The following PTCHD4 variants were observed in gnomAD, a reference collection of about 807,000 sequenced individuals.
PTCHD4 encodes patched domain containing 4.
A neutral mutation model predicts 58.1 loss-of-function variants in PTCHD4; 33 were observed. That is an observed-to-expected ratio of 0.57 (90% CI 0.43 to 0.76). The LOEUF (loss-of-function observed/expected upper bound fraction) is 0.76, where lower values mean the gene tolerates loss of function less well. Among genes scored for constraint, PTCHD4 ranks in the 30% least tolerant of loss-of-function variants. The pLI is 0.00. For synonymous variants in PTCHD4, 478 were observed against 409.6 expected (o/e 1.17, Z -2.02); for missense variants, 1,058 against 1,027.1 (o/e 1.03, Z -0.41).
At chr6:48,064,346 G>C (rs1031641651) in intron 3 of PTCHD4, among the ~76,000 whole-genome samples, 1 of 152,038 alleles carries the variant, frequency 6.6e-6, no homozygotes, top group Non-Finnish European at 1.5e-5. Flanking sequence ...CTAAAAACAG[G>C]GAAATATTAC....
intron 4 of PTCHD4, among the ~76,000 whole-genome samples, chr6:47,952,254 T>C (rs565972412): frequency 2.0e-5 from 3 of 151,892 alleles, no homozygotes; most frequent in Admixed American, 6.5e-5. Context: ...AAAGGAAGAA[T>C]TAATTGTCTC....
chr6:48,065,212 G>T (rs1175186106), intron 3 of PTCHD4, among the ~76,000 whole-genome samples: 1 of 152,156 alleles, frequency 6.6e-6, no homozygotes, highest in Non-Finnish European at 1.5e-5. Context: ...TCTTCAGCCT[G>T]TCCCTAAGCA....
intron 4 of PTCHD4, among the ~76,000 whole-genome samples, chr6:47,997,705 A>G (rs932939072): frequency 6.6e-6 from 1 of 152,208 alleles, no homozygotes; most frequent in East Asian, 1.9e-4. Flanking sequence ...ACATTACTCA[A>G]TCATTAACAA....
intron 3 of PTCHD4, among the ~76,000 whole-genome samples, chr6:48,064,568 G>A (rs557302656): frequency 6.6e-6 from 1 of 151,978 alleles, no homozygotes; most frequent in African/African-American, 2.4e-5. Context: ...AAAAAAAATA[G>A]CCCCTAAATA....
chr6:48,010,908 T>C (rs1338918647), intron 3 of PTCHD4, among the ~76,000 whole-genome samples: 2 of 152,202 alleles, frequency 1.3e-5, no homozygotes, highest in Non-Finnish European at 2.9e-5. Context: ...GGACATGAAC[T>C]CATCCATTTT....
intron 1 of PTCHD4, among the ~76,000 whole-genome samples, chr6:48,075,013 A>T (rs1250066745): frequency 6.6e-6 from 1 of 152,144 alleles, no homozygotes; most frequent in African/African-American, 2.4e-5. Flanking sequence ...ATATAAGCAT[A>T]TATATTATTC....
intron 3 of PTCHD4, among the ~76,000 whole-genome samples, chr6:48,025,009 T>G (rs1006454453): frequency 6.6e-6 from 1 of 152,204 alleles, no homozygotes; most frequent in African/African-American, 2.4e-5. Context: ...TCTACTGGAT[T>G]GCTAGAGAAA....
intron 4 of PTCHD4, among the ~76,000 whole-genome samples, chr6:47,931,275 C>T (rs186152470): frequency 6.6e-6 from 1 of 152,316 alleles, no homozygotes; most frequent in East Asian, 1.9e-4. Context: ...AGTCCTTGTT[C>T]CTGGTCATTA....
At chr6:47,996,364 A>G (rs1768486857) in intron 4 of PTCHD4, among the ~76,000 whole-genome samples, 1 of 152,148 alleles carries the variant, frequency 6.6e-6, no homozygotes, top group Non-Finnish European at 1.5e-5. Flanking sequence ...AATCTTAGGT[A>G]CTTGGGTGGC....
At chr6:47,994,252 G>A (rs975830999) in intron 4 of PTCHD4, among the ~76,000 whole-genome samples, 2 of 152,200 alleles carry the variant, frequency 1.3e-5, no homozygotes, top group Admixed American at 6.5e-5. Flanking sequence ...TGGCAATGGA[G>A]AGGGAAAACA....
intron 3 of PTCHD4, among the ~76,000 whole-genome samples, chr6:48,012,922 C>T (rs766443283): frequency 1.3e-5 from 2 of 152,122 alleles, no homozygotes; most frequent in Non-Finnish European, 2.9e-5. Context: ...AGGGATGAAG[C>T]TGACTTGATT....
intron 3 of PTCHD4, among the ~76,000 whole-genome samples, chr6:48,045,437 G>T (rs1764000120): frequency 6.6e-6 from 1 of 151,690 alleles, no homozygotes; most frequent in African/African-American, 2.4e-5. Flanking sequence ...ACAAAAGATG[G>T]CTCATTTTCA....
chr6:47,891,403 C>A (rs1456295841), intron 4 of PTCHD4, among the ~76,000 whole-genome samples: 1 of 151,884 alleles, frequency 6.6e-6, no homozygotes, highest in Admixed American at 6.6e-5. Flanking sequence ...CTGTGACCGG[C>A]ATGAACCGAG....
intron 4 of PTCHD4, among the ~76,000 whole-genome samples, chr6:47,898,147 T>G (rs986157487): frequency 2.0e-5 from 3 of 151,976 alleles, no homozygotes; most frequent in Admixed American, 1.3e-4. Flanking sequence ...AGTTTCACCG[T>G]GTTAGCCAGG....
chr6:48,010,585 T>C (rs747557714), intron 3 of PTCHD4, among the ~76,000 whole-genome samples: 2 of 151,998 alleles, frequency 1.3e-5, no homozygotes, highest in African/African-American at 2.4e-5. Flanking sequence ...GAATTCCAAG[T>C]GAGGAATTTC....
intron 3 of PTCHD4, among the ~76,000 whole-genome samples, chr6:48,024,392 G>A (rs1032738749): frequency 6.6e-6 from 1 of 151,924 alleles, no homozygotes; most frequent in Non-Finnish European, 1.5e-5. Context: ...CTCTCAACAC[G>A]ACCTAGAACT....
intron 4 of PTCHD4, among the ~76,000 whole-genome samples, chr6:47,955,367 T>C (rs1766816684): frequency 6.6e-6 from 1 of 152,114 alleles, no homozygotes; most frequent in African/African-American, 2.4e-5. Flanking sequence ...ACAAAATGGA[T>C]ATTGTCAAAG....
chr6:47,878,188 G>GATCTGACT lies in PTCHD4; in HGVS notation c.*107_*114dup. 3 of 870,656 alleles carry GATCTGACT rather than the reference G, an allele frequency of 3.4e-6. 1 individual carries two copies. The Middle Eastern group carries it at 6.9e-4, about 200-fold the overall frequency. The allele number at this position is 870,656 out of a possible 1,614,324, so 53.9% of individuals were successfully genotyped here. Reference sequence around the variant, plus strand: ...GAAGTGTCATGAATAATGCACTCTTGATCTGACTTGCCTTGTTACCCCTGG... The same window carrying GATCTGACT: ...GAAGTGTCATGAATAATGCACTCTTGATCTGACTATCTGACTTGCCTTGTTACCCCTGG... On this transcript the variant is annotated 3_prime_UTR_variant, in exon 5 of 5. Transcript: ENST00000339488.
chr6:47,936,916 G>A (rs1204174443), intron 4 of PTCHD4, among the ~76,000 whole-genome samples: 1 of 152,222 alleles, frequency 6.6e-6, no homozygotes, highest in Admixed American at 6.5e-5. Flanking sequence ...AGCTAGGTTA[G>A]AAAAGGTGAG....
Sources: allele counts gnomAD v4.1 joint callset (sites outside exome capture counted in the v4.1 genomes callset), GRCh38; gene constraint gnomAD v4.1.1; transcripts MANE v1.5; gene names NCBI Gene and HGNC (gene_info 2026-07-23, HGNC 2026-07-21).